The following HNRNPL variants were observed in gnomAD, a reference collection of about 807,000 sequenced individuals.
HNRNPL encodes epididymis secretory sperm binding protein.
In HNRNPL, 12 loss-of-function variants were observed where a neutral mutation model predicts 64.0. That is an observed-to-expected ratio of 0.19 (90% CI 0.12 to 0.30). HNRNPL has a LOEUF of 0.30. Ranked by LOEUF, HNRNPL falls within the 10% of genes least tolerant of loss-of-function variation. The probability of loss-of-function intolerance (pLI) is 1.00; values close to 1 mark genes in which losing one functional copy is unlikely to be tolerated. For missense variants in HNRNPL, 484 were observed against 797.4 expected (o/e 0.61, Z 4.73); for synonymous variants, 385 against 313.0 (o/e 1.23, Z -2.43).
At chr19:38,848,940 G>A (rs1380736966) in intron 1 of HNRNPL, among the ~76,000 whole-genome samples, 6 of 152,224 alleles carry the variant, frequency 3.9e-5, no homozygotes, top group African/African-American at 9.6e-5. Context: ...ATTTTGGAAA[G>A]AGTGGGGACT....
Position 38,849,856 on chromosome 19 carries a change from C to G in HNRNPL, c.111G>C (p.Ala37=), listed in dbSNP as rs774076240. The G allele has an allele frequency of 8.2e-7, 1 of 1,217,688 alleles. No individual in the cohort carries two copies. Among genetic ancestry groups the G allele is most frequent in the Non-Finnish European group, 1.2e-6 (1 of 865,346 alleles). 75.4% of individuals were successfully genotyped at this position (1,217,688 alleles called of 1,614,324 possible). The change falls in exon 1 of 13, where the codon GCG becomes GCC. Residue 37 remains alanine, a synonymous_variant. Coordinates refer to ENST00000221419, the MANE Select transcript of HNRNPL (RefSeq NM_001533.3). ...GGCCACCGCCGCCTCCGCCGCCCGC[C>G]GCCGCCATCTTCACCATCGCTCCCG... ...RRSGAMVKMA[A]AGGGGGGGRY...
At chr19:38,845,534 G>A in intron 4 of HNRNPL, 116 bp downstream of exon 4, 1 of 804,272 alleles carries the variant, frequency 1.2e-6, no homozygotes, top group Non-Finnish European at 2.1e-6. Context: ...GAAGGCATCT[G>A]GCACATGGCA....
chr19:38,837,338 C>T (rs1462891484), intron 12 of HNRNPL, 46 bp downstream of exon 12: 1 of 1,490,050 alleles, frequency 6.7e-7, no homozygotes, highest in South Asian at 1.1e-5. Context: ...GCCAGCCAAC[C>T]CATTAGGTCA....
At position 38,836,626 on chromosome 19, in the gene HNRNPL, GAATACAAGATCTTTTGCAAATAACA is replaced by G; in HGVS notation, c.*71_*95del. 3.4e-6 allele frequency: 1 copy of G among 291,206 alleles called. No individual in the cohort carries two copies. The highest frequency in any genetic ancestry group is 6.1e-6 in the Non-Finnish European group (1 of 163,220). 18.0% of individuals were successfully genotyped at this position (291,206 alleles called of 1,614,324 possible). A position where few individuals can be genotyped will look rare whatever the true frequency, so the allele number is the denominator to read the frequency against. ...AAAAAAAAAAAAAAAAAAAAAAAAG[GAATACAAGATCTTTTGCAAATAACA>G]AAAACAAAAAATGGCATAAAGGAAA... On this transcript the variant is annotated 3_prime_UTR_variant, in exon 13 of 13. Transcript: ENST00000221419.
At chr19:38,849,598 G>A (rs890405583) in intron 1 of HNRNPL, 102 bp downstream of exon 1, 8 of 1,272,158 alleles carry the variant, frequency 6.3e-6, no homozygotes, top group South Asian at 2.8e-5. Context: ...GCGATGGCCT[G>A]GGCGCGTGCG....
intron 8 of HNRNPL, among the ~76,000 whole-genome samples, chr19:38,839,844 T>A (rs970343885): frequency 7.2e-5 from 11 of 152,232 alleles, no homozygotes; most frequent in Admixed American, 6.5e-5. Context: ...AATCTCTATG[T>A]TCATGTACTG....
At position 38,838,616 on chromosome 19, in the gene HNRNPL, G is replaced by A. The variant is rs767164569; in HGVS notation, c.1356-18C>T. The A allele has an allele frequency of 1.9e-6, 3 of 1,610,186 alleles. No individual in the cohort carries two copies. Among genetic ancestry groups the A allele is most frequent in the Non-Finnish European group, 1.7e-6 (2 of 1,177,366 alleles). ...TGGAGACACTGCAGCAAGGAAGAAA[G>A]GGGAGCCTTTGTCATACCCAAAGTT... On this transcript the variant is annotated intron_variant, in intron 9 of 12. Coordinates refer to ENST00000221419, the MANE Select transcript of HNRNPL (RefSeq NM_001533.3).
At position 38,837,528 on chromosome 19, in the gene HNRNPL, G is replaced by A. The variant is rs376080730; in HGVS notation, c.1616-49C>T. ...GTAAAGGTTTTAGACTCACCCAATA[G>A]GAACTAGGCAGCTGCCCACCAACCA... On this transcript the variant is annotated intron_variant, in intron 11 of 12. Transcript: ENST00000221419. 4.1e-5 allele frequency: 66 copies of A among 1,611,652 alleles called. No individual in the cohort carries two copies. In the African/African-American group the frequency reaches 8.0e-4, roughly 20 times the overall value.
At chr19:38,846,537 C>T (rs1972301801) in intron 2 of HNRNPL, among the ~76,000 whole-genome samples, 1 of 152,200 alleles carries the variant, frequency 6.6e-6, no homozygotes, top group South Asian at 2.1e-4. Context: ...CTTGGGAGGG[C>T]TAGGTGGGCA....
upstream of HNRNPL, among the ~76,000 whole-genome samples, chr19:38,851,510 C>A (rs1972503864): frequency 6.6e-6 from 1 of 152,246 alleles, no homozygotes; most frequent in South Asian, 2.1e-4. Context: ...GCGAAGCTAG[C>A]GTCGTGAGAA....
intron 1 of HNRNPL, among the ~76,000 whole-genome samples, chr19:38,848,998 A>C (rs898746078): frequency 6.6e-5 from 10 of 152,192 alleles, no homozygotes; most frequent in African/African-American, 2.4e-4. Flanking sequence ...GGGACTGATT[A>C]CAGGGGGTCG....
Position 38,838,883 on chromosome 19 carries a change from T to G in HNRNPL, c.1355+11A>C. 1 of 1,614,112 alleles carries G rather than the reference T, an allele frequency of 6.2e-7. No homozygotes were observed. ...TGTACCTCTGCTGCCCTCCCGAGCC[T>G]GAGCACCTACCAGACATTCAGCTTC... On this transcript the variant is annotated intron_variant, in intron 9 of 12. Coordinates refer to ENST00000221419, the MANE Select transcript of HNRNPL (RefSeq NM_001533.3).
intron 10 of HNRNPL, among the ~76,000 whole-genome samples, chr19:38,837,945 C>T (rs1401323665): frequency 6.6e-6 from 1 of 152,254 alleles, no homozygotes; most frequent in Non-Finnish European, 1.5e-5. Context: ...GCAAGGTCAA[C>T]ATTTCAGACC....
chr19:38,839,998 G>T, intron 8 of HNRNPL, 98 bp downstream of exon 8: 1 of 1,193,166 alleles, frequency 8.4e-7, no homozygotes, highest in Non-Finnish European at 1.2e-6. Flanking sequence ...GCGTCTGCCC[G>T]CCCAGCGCCA....
At chr19:38,846,906 AAAACAAAC>A (rs199996691) in intron 2 of HNRNPL, among the ~76,000 whole-genome samples, 1 of 152,000 alleles carries the variant, frequency 6.6e-6, no homozygotes, top group African/African-American at 2.4e-5. Flanking sequence ...AGACTGTCTC[AAAACAAAC>A]AAACAAACAA....
chr19:38,845,441 A>G (rs562026194), intron 4 of HNRNPL: 3 of 588,402 alleles, frequency 5.1e-6, no homozygotes, highest in South Asian at 4.2e-5. Flanking sequence ...CTCCCAACAC[A>G]CTGCTCTCTC....
intron 2 of HNRNPL, among the ~76,000 whole-genome samples, chr19:38,846,334 C>CACAG (rs1413043879): frequency 6.6e-6 from 1 of 152,184 alleles, no homozygotes; most frequent in African/African-American, 2.4e-5. Flanking sequence ...AGATGCCACC[C>CACAG]ACAGACGGCT....
At position 38,845,934 on chromosome 19, in the gene HNRNPL, G is replaced by A. The variant is rs775734910; in HGVS notation, c.543C>T (p.Arg181=). The part of the protein sequence containing the change: ...VNYSTSQKIS[R]PGDSDDSRSV... ...TCCGGGAGTCATCCGAGTCCCCAGG[G>A]CGGGAGATCTTCTGGCTGGTAGAGT... Residue 181 remains arginine (R), a synonymous_variant, in exon 3 of 13, where the codon CGC becomes CGT. Coordinates refer to ENST00000221419, the MANE Select transcript of HNRNPL (RefSeq NM_001533.3). 4 of 1,614,092 alleles carry A rather than the reference G, an allele frequency of 2.5e-6. No homozygotes were observed. In the African/African-American group the frequency reaches 4.0e-5, roughly 16 times the overall value.
At chr19:38,838,305 C>T (rs1347367203) in intron 10 of HNRNPL, 92 bp downstream of exon 10, 2 of 1,059,686 alleles carry the variant, frequency 1.9e-6, no homozygotes, top group African/African-American at 1.6e-5. Flanking sequence ...GACAGGAGTT[C>T]AACAGCTATT....
Sources: allele counts gnomAD v4.1 joint callset (sites outside exome capture counted in the v4.1 genomes callset), GRCh38; gene constraint gnomAD v4.1.1; transcripts MANE v1.5; gene names NCBI Gene and HGNC (gene_info 2026-07-23, HGNC 2026-07-21).